EIF3M: variants seen among roughly 807,000 people sequenced by gnomAD.
EIF3M encodes eukaryotic translation initiation factor 3 subunit M.
EIF3M carries 25 observed loss-of-function variants against 49.7 expected under a neutral mutation model. The observed-to-expected ratio is 0.50, with a 90% CI of 0.37 to 0.70. The LOEUF (loss-of-function observed/expected upper bound fraction) is 0.70. EIF3M is among the 30% of genes least tolerant of loss of function. The probability of loss-of-function intolerance (pLI) is 0.00; values close to 1 mark genes in which losing one functional copy is unlikely to be tolerated. For missense variants in EIF3M, 350 were observed against 440.0 expected (o/e 0.80, Z 1.83); for synonymous variants, 156 against 149.8 (o/e 1.04, Z -0.30).
intron 1 of EIF3M, 182 bp downstream of exon 1, chr11:32,584,111 G>A: frequency 1.3e-6 from 1 of 756,496 alleles, no homozygotes; most frequent in Non-Finnish European, 2.1e-6. Context: ...CAGCTCGCCG[G>A]CCGGCGGTCC....
Position 32,602,690 on chromosome 11 carries a change from G to T in EIF3M, c.*291G>T. 1.1e-6 allele frequency: 1 copy of T among 881,666 alleles called. No homozygotes were observed. 54.6% of individuals were successfully genotyped at this position (881,666 alleles called of 1,614,324 possible). On this transcript the variant is annotated 3_prime_UTR_variant, in exon 11 of 11. Coordinates refer to ENST00000531120, the MANE Select transcript of EIF3M (RefSeq NM_006360.6). ...AGAGTAATACAATTTCTTCACATTA[G>T]AAAAACTTGGAAAAGCAAAGACAAA...
intron 7 of EIF3M, among the ~76,000 whole-genome samples, 152 bp from the exon 8 acceptor site, chr11:32,595,813 GT>G (rs1350706161): frequency 2.6e-5 from 4 of 152,188 alleles, no homozygotes; most frequent in Admixed American, 2.6e-4. Context: ...AAAGCAGATG[GT>G]TTGGTAATTT....
chr11:32,603,053 T>G lies in EIF3M; in HGVS notation c.*654T>G. ...AGATAAACTAATTTTACCTTCGAAA[T>G]TATTATACAAAAGATTTTAAAGAGT... On this transcript the variant is annotated 3_prime_UTR_variant, in exon 11 of 11. Coordinates refer to ENST00000531120, the MANE Select transcript of EIF3M (RefSeq NM_006360.6). 4 of 1,515,206 alleles carry G rather than the reference T, an allele frequency of 2.6e-6. No homozygotes were observed. The highest frequency in any genetic ancestry group is 3.6e-6 in the Non-Finnish European group (4 of 1,112,410). 93.9% of individuals were successfully genotyped at this position (1,515,206 alleles called of 1,614,324 possible).
chr11:32,584,055 G>A (rs1565044667), intron 1 of EIF3M, 126 bp downstream of exon 1: 2 of 1,301,672 alleles, frequency 1.5e-6, no homozygotes, highest in Non-Finnish European at 2.1e-6. Context: ...ACGCGAGAAT[G>A]GGGAGGCCGG....
Position 32,594,974 on chromosome 11 carries a change from A to G in EIF3M, c.678A>G (p.Leu226=). 1 of 1,613,712 alleles carries G rather than the reference A, an allele frequency of 6.2e-7. No individual in the cohort carries two copies. Among genetic ancestry groups the G allele is most frequent in the Non-Finnish European group, 8.5e-7 (1 of 1,179,804 alleles). ...NAFLFDHLLT[L]KPVKFLEGEL... ...TTCTTTTTGACCACCTTCTTACTTT[A>G]AAACCAGTCAAGTTTTTGGAAGGCG... Residue 226 remains leucine, a synonymous_variant, in exon 7 of 11, where the codon TTA becomes TTG. Transcript: ENST00000531120.
intron 10 of EIF3M, 153 bp downstream of exon 10, chr11:32,601,975 T>G: frequency 1.1e-6 from 1 of 894,418 alleles, no homozygotes; most frequent in Non-Finnish European, 1.7e-6. Context: ...TCAGACTGAA[T>G]GTGATTAGCT....
In EIF3M at chr11:32,606,032, G is replaced by C. The variant is rs1468619047; in HGVS notation, c.*3633G>C. The C allele has an allele frequency of 2.6e-5, 4 of 151,692 alleles. No individual in the cohort carries two copies. The highest frequency in any genetic ancestry group is 5.9e-5 in the Non-Finnish European group (4 of 67,980). 9.4% of individuals were successfully genotyped at this position (151,692 alleles called of 1,614,324 possible). A position where few individuals can be genotyped will look rare whatever the true frequency, so the allele number is the denominator to read the frequency against. ...GGATATATAAAAAAAAAAGTAAGTG[G>C]CTTGCTTTGCTTACTCTGGTTTTCC... On this transcript the variant is annotated 3_prime_UTR_variant, in exon 11 of 11. Transcript: ENST00000531120.
At position 32,593,933 on chromosome 11, in the gene EIF3M, C is replaced by T; in HGVS notation, c.601C>T (p.Arg201Ter). Residue 201 changes from arginine (R) to a stop codon, truncating the protein, a stop_gained, in exon 6 of 11, where the codon CGA (arginine) becomes TGA (stop). Transcript: ENST00000531120. LOFTEE classifies it high-confidence loss of function. ...SYTEDNASQA[R>*]VDAHRCIVRA... The stretch of plus-strand genomic sequence containing the variant: ...CACAGAGGACAATGCTTCCCAGGCT[C>T]GAGTTGATGCCCACAGGTAATGTTA... The T allele has an allele frequency of 6.5e-7, 1 of 1,546,104 alleles. No homozygotes were observed.
At chr11:32,586,847 C>A in intron 1 of EIF3M, 165 bp from the exon 2 acceptor site, 1 of 875,526 alleles carries the variant, frequency 1.1e-6, no homozygotes, top group Non-Finnish European at 1.6e-6. Context: ...ACCTGTGGCT[C>A]TTGTGGGATT....
chr11:32,592,633 C>T, intron 5 of EIF3M: 1 of 511,256 alleles, frequency 2.0e-6, no homozygotes, highest in Non-Finnish European at 3.8e-6. Context: ...GTTTGGGGGT[C>T]TCTGATTACC....
chr11:32,594,707 A>G (rs1024903895), intron 6 of EIF3M: 9 of 398,184 alleles, frequency 2.3e-5, no homozygotes, highest in Non-Finnish European at 3.6e-5. Flanking sequence ...TTTATCTACA[A>G]TTAATATATT....
intron 7 of EIF3M, 81 bp downstream of exon 7, chr11:32,595,094 A>G (rs1590523258): frequency 1.6e-6 from 2 of 1,277,558 alleles, no homozygotes; most frequent in Non-Finnish European, 2.2e-6. Context: ...TTTTCTTTGC[A>G]TTAATAAAAG....
chr11:32,597,270 T>C (rs185302445), intron 8 of EIF3M, among the ~76,000 whole-genome samples: 1 of 152,352 alleles, frequency 6.6e-6, no homozygotes, highest in Non-Finnish European at 1.5e-5. Flanking sequence ...TCCTTAGATA[T>C]ATGGTGATTT....
intron 1 of EIF3M, 35 bp downstream of exon 1, chr11:32,583,964 G>A: frequency 1.2e-6 from 2 of 1,613,006 alleles, no homozygotes; most frequent in Non-Finnish European, 1.7e-6. Flanking sequence ...CCACGGTGGG[G>A]TGGGGGATGT....
rs991056499 is a variant in EIF3M at position 32,589,774 on chromosome 11, A to G, written c.533+133A>G. ...ACAGAGTTGCTATAAATCTATTTCTATAAATTTGACCTAAAGTTAAAGATA... is the reference window on the plus strand; with the variant it reads ...ACAGAGTTGCTATAAATCTATTTCTGTAAATTTGACCTAAAGTTAAAGATA... On this transcript the variant is annotated intron_variant, in intron 5 of 10. Coordinates refer to ENST00000531120, the MANE Select transcript of EIF3M (RefSeq NM_006360.6). 3.0e-5 allele frequency: 19 copies of G among 624,316 alleles called. No homozygotes were observed. In the African/African-American group the frequency reaches 3.4e-4, roughly 11 times the overall value. The allele number at this position is 624,316 out of a possible 1,614,324, so 38.7% of individuals were successfully genotyped here.
chr11:32,589,263 GC>G (rs1481107610), intron 4 of EIF3M, 128 bp downstream of exon 4: 2 of 1,386,394 alleles, frequency 1.4e-6, no homozygotes, highest in Admixed American at 4.6e-5. Flanking sequence ...CGCAACCTCC[GC>G]CTCCAGGGTT....
intron 2 of EIF3M, 89 bp from the exon 3 acceptor site, chr11:32,588,505 A>G: frequency 2.1e-6 from 3 of 1,444,950 alleles, no homozygotes; most frequent in Non-Finnish European, 2.8e-6. Context: ...GATGGTCTTC[A>G]TTGTATTAAA....
rs1458237411 is a variant in EIF3M, at chr11:32,600,702, A to G, written c.813A>G (p.Glu271=). The change falls in exon 9 of 11, where the codon GAA becomes GAG. Residue 271 remains glutamate (E), a synonymous_variant. Transcript: ENST00000531120. Reference sequence around the variant, plus strand: ...TCTGTTTTCTAGGCCTGTTACATGAACAGAATATGGCAAAAATGAGACTAC... The same window carrying G: ...TCTGTTTTCTAGGCCTGTTACATGAGCAGAATATGGCAAAAATGAGACTAC... ...DFIDSLGLLH[E]QNMAKMRLLT... The G allele has an allele frequency of 1.2e-6, 2 of 1,609,740 alleles. No individual in the cohort carries two copies. The highest frequency in any genetic ancestry group is 3.4e-5 in the Admixed American group (2 of 59,596).
chr11:32,599,794 G>T (rs1318142937), intron 8 of EIF3M, among the ~76,000 whole-genome samples: 1 of 151,774 alleles, frequency 6.6e-6, no homozygotes, highest in Non-Finnish European at 1.5e-5. Context: ...CTTTATTTTA[G>T]AAATGAACCT....
Sources: allele counts gnomAD v4.1 joint callset (sites outside exome capture counted in the v4.1 genomes callset), GRCh38; gene constraint gnomAD v4.1.1; transcripts MANE v1.5; gene names NCBI Gene and HGNC (gene_info 2026-07-23, HGNC 2026-07-21).